Variants in MUSK observed in about 807,000 individuals in gnomAD.
The protein encoded by MUSK is muscle, skeletal receptor tyrosine-protein kinase.
In MUSK, 55 loss-of-function variants were observed where a neutral mutation model predicts 88.7. The observed-to-expected ratio is 0.62, with a 90% CI of 0.50 to 0.78. The LOEUF (loss-of-function observed/expected upper bound fraction) is 0.78. Among genes scored for constraint, MUSK ranks in the 30% least tolerant of loss-of-function variants. MUSK has a pLI of 0.00. For missense variants in MUSK, 1,015 were observed against 1,074.3 expected, an observed-to-expected ratio of 0.94 and a Z score of 0.77; for synonymous variants, 387 against 391.9, an observed-to-expected ratio of 0.99 and a Z score of 0.15.
At chr9:110,748,282 A>G (rs527517858) in intron 7 of MUSK, among the ~76,000 whole-genome samples, 3 of 151,020 alleles carry the variant, frequency 2.0e-5, no homozygotes, top group Admixed American at 6.6e-5. Context: ...TTGGTTGATC[A>G]AACTTTCCAA....
intron 11 of MUSK, among the ~76,000 whole-genome samples, chr9:110,783,082 A>G (rs781704688): frequency 9.9e-5 from 15 of 152,256 alleles, no homozygotes; most frequent in Non-Finnish European, 2.1e-4. Context: ...CAAATGCTTT[A>G]GGCATCTACT....
chr9:110,740,294 A>T (rs1239085759), intron 6 of MUSK, among the ~76,000 whole-genome samples: 1 of 152,124 alleles, frequency 6.6e-6, no homozygotes, highest in African/African-American at 2.4e-5. Context: ...TAAAAGCTGG[A>T]AGTCCAAGGT....
intron 8 of MUSK, among the ~76,000 whole-genome samples, chr9:110,765,164 G>A (rs1318162374): frequency 6.6e-6 from 1 of 152,172 alleles, no homozygotes; most frequent in African/African-American, 2.4e-5. Flanking sequence ...TGGAAAATGA[G>A]TAACAGCATC....
chr9:110,734,911 T>C (rs1441591508), intron 6 of MUSK, among the ~76,000 whole-genome samples: 12 of 152,114 alleles, frequency 7.9e-5, no homozygotes, highest in Admixed American at 2.0e-4. Flanking sequence ...TCAAACACTA[T>C]TCTAGGCCCT....
intron 7 of MUSK, among the ~76,000 whole-genome samples, chr9:110,755,951 C>CGTATATATATACATATATATAT (rs1269355799): frequency 9.8e-6 from 1 of 101,792 alleles, no homozygotes; most frequent in African/African-American, 4.3e-5. Context: ...TATATATATA[C>CGTATATATATACATATATATAT]ACATATATAT....
chr9:110,692,502 A>C (rs1219397091), intron 3 of MUSK, among the ~76,000 whole-genome samples: 2 of 151,810 alleles, frequency 1.3e-5, no homozygotes, highest in South Asian at 2.1e-4. Context: ...CTAAAGACCA[A>C]AGCTTTTTAG....
chr9:110,673,267 G>A (rs1239976607), intron 1 of MUSK, among the ~76,000 whole-genome samples: 1 of 152,174 alleles, frequency 6.6e-6, no homozygotes, highest in Admixed American at 6.5e-5. Flanking sequence ...TTAGAGAAAG[G>A]AAGTATAAAC....
In MUSK at chr9:110,712,157, CT is replaced by C. The variant is rs1406665863; in HGVS notation, c.628+14692del. Among the ~76,000 whole-genome samples, 3 of 74,054 alleles carry C rather than the reference CT, an allele frequency of 4.1e-5. No homozygotes were observed. The East Asian group carries it at 7.4e-4, about 18-fold the overall frequency. 48.6% of individuals were successfully genotyped at this position (74,054 alleles called of 152,430 possible). A position where few individuals can be genotyped will look rare whatever the true frequency, so the allele number is the denominator to read the frequency against. On this transcript the variant is annotated intron_variant, in intron 5 of 14. Transcript: ENST00000374448. ...ATAAAACCTTTAACTCATGTTTATTCTGAAAAAAAAAAAAAAAATCAGTGCC... is the reference window on the plus strand; with the variant it reads ...ATAAAACCTTTAACTCATGTTTATTCGAAAAAAAAAAAAAAAATCAGTGCC...
rs148087390 is a variant in MUSK, at chr9:110,716,016, G to A, written c.629-18235G>A. 8.0e-4 allele frequency among the ~76,000 whole-genome samples: 119 copies of A among 149,622 alleles called. 10 individuals are homozygous for A. The highest frequency in any genetic ancestry group is 2.8e-3 in the African/African-American group (111 of 39,374). ...GAGAGCTTCAGGAAGAGTAGCTAAC[G>A]GATGCTAGGCTTATTACCTAAGTGA... is the stretch of plus-strand genomic sequence containing the variant. On this transcript the variant is annotated intron_variant, in intron 5 of 14. Coordinates refer to ENST00000374448, the MANE Select transcript of MUSK (RefSeq NM_005592.4).
intron 14 of MUSK, among the ~76,000 whole-genome samples, chr9:110,799,237 T>C (rs187298110): frequency 5.3e-5 from 8 of 152,204 alleles, no homozygotes; most frequent in African/African-American, 1.4e-4. Flanking sequence ...AACAGATACT[T>C]TTAACTTTTG....
chr9:110,768,155 A>C, intron 9 of MUSK, 72 bp downstream of exon 9: 1 of 1,424,270 alleles, frequency 7.0e-7, no homozygotes, highest in Non-Finnish European at 9.6e-7. Context: ...GTTTTTGAAA[A>C]ATGTTGTAAT....
At chr9:110,682,530 A>G (rs939057491) in intron 1 of MUSK, 144 bp from the exon 2 acceptor site, 6 of 721,954 alleles carry the variant, frequency 8.3e-6, no homozygotes, top group Non-Finnish European at 1.3e-5. Flanking sequence ...CATTCTTTAC[A>G]TAAGCTCTTC....
intron 5 of MUSK, among the ~76,000 whole-genome samples, chr9:110,732,098 A>G (rs1032557816): frequency 4.6e-5 from 7 of 152,120 alleles, no homozygotes; most frequent in African/African-American, 1.4e-4. Context: ...TTTTGATTCA[A>G]AAAGTTCAAG....
intron 5 of MUSK, among the ~76,000 whole-genome samples, chr9:110,714,915 T>G (rs2076725796): frequency 6.6e-6 from 1 of 150,952 alleles, no homozygotes; most frequent in Admixed American, 6.6e-5. Context: ...ATAATCTGTA[T>G]AGATGAGCAT....
In MUSK at chr9:110,804,956, C is replaced by CTTG. The variant is rs1036933017; in HGVS notation, c.*3970_*3971insGTT. 3.3e-5 allele frequency among the ~76,000 whole-genome samples: 5 copies of CTTG among 151,886 alleles called. No individual in the cohort carries two copies. Among genetic ancestry groups the CTTG allele is most frequent in the African/African-American group, 7.2e-5 (3 of 41,422 alleles). ...AAAATAAGATCATACTGCTACATTA[C>CTTG]TTCAAGCCTTGCTTTTATCACTTAA... On this transcript the variant is annotated 3_prime_UTR_variant, in exon 15 of 15. Coordinates refer to ENST00000374448, the MANE Select transcript of MUSK (RefSeq NM_005592.4).
At chr9:110,756,525 A>G (rs781456576) in intron 7 of MUSK, among the ~76,000 whole-genome samples, 1 of 147,054 alleles carries the variant, frequency 6.8e-6, no homozygotes, top group Non-Finnish European at 1.5e-5. Flanking sequence ...AATTCTTTTT[A>G]GACAGTAATA....
intron 7 of MUSK, among the ~76,000 whole-genome samples, chr9:110,750,940 C>T (rs1018845224): frequency 1.3e-5 from 2 of 152,178 alleles, no homozygotes; most frequent in Non-Finnish European, 1.5e-5. Flanking sequence ...AATCTCCCTA[C>T]CTTCCTCCTT....
intron 5 of MUSK, among the ~76,000 whole-genome samples, chr9:110,714,895 G>GTT (rs1554742400): frequency 2.6e-5 from 4 of 151,494 alleles, no homozygotes; most frequent in African/African-American, 7.3e-5. Context: ...CTATTTAAGA[G>GTT]CAGATTCAAA....
rs1204378576 is a variant in MUSK at position 110,804,094 on chromosome 9, A to G, written c.*3106A>G. 1.3e-5 allele frequency among the ~76,000 whole-genome samples: 2 copies of G among 152,222 alleles called. No homozygotes were observed. The highest frequency in any genetic ancestry group is 4.8e-5 in the African/African-American group (2 of 41,458). On this transcript the variant is annotated 3_prime_UTR_variant, in exon 15 of 15. Transcript: ENST00000374448. ...GTATATTACGAACCTGTTCCACGTC[A>G]TTAAATATTCTTCTAAAAACCCAAT...
Sources: gnomAD v4.1 joint callset for allele counts (sites outside exome capture counted in the v4.1 genomes callset) on GRCh38, gnomAD v4.1.1 for gene constraint, MANE v1.5 for transcripts, NCBI Gene and HGNC (gene_info 2026-07-23, HGNC 2026-07-21) for gene names.